The following ZDHHC21 variants were observed in gnomAD, a reference collection of about 807,000 sequenced individuals.
The protein encoded by ZDHHC21 is palmitoyltransferase ZDHHC21.
A neutral mutation model predicts 34.6 loss-of-function variants in ZDHHC21; 15 were observed. The observed-to-expected ratio is 0.43, with a 90% CI of 0.29 to 0.67. ZDHHC21 has a LOEUF of 0.67. Ranked by LOEUF, ZDHHC21 falls within the 30% of genes least tolerant of loss-of-function variation. ZDHHC21 has a pLI of 0.14. For synonymous variants in ZDHHC21, 142 were observed against 101.8 expected, an observed-to-expected ratio of 1.40 and a Z score of -2.38; for missense variants, 344 against 327.7, an observed-to-expected ratio of 1.05 and a Z score of -0.38.
chr9:14,679,263 A>G lies in ZDHHC21; in HGVS notation c.-46+770T>C, dbSNP rs529855351. 3.9e-4 allele frequency among the ~76,000 whole-genome samples: 60 copies of G among 152,326 alleles called. No individual in the cohort carries two copies. In the South Asian group the frequency reaches 7.9e-3, roughly 20 times the overall value. ...TTTGAAATGAATCCCCCATATTAATAACATAGTGGACAGAAAGACAGATGA... is the reference window on the plus strand; with the variant it reads ...TTTGAAATGAATCCCCCATATTAATGACATAGTGGACAGAAAGACAGATGA... On this transcript the variant is annotated intron_variant, in intron 3 of 9. Transcript: ENST00000380916.
chr9:14,590,881 G>C, the ZDHHC21 span, among the ~76,000 whole-genome samples: 1 of 152,040 alleles, frequency 6.6e-6, no homozygotes, highest in East Asian at 1.9e-4. Context: ...TTTTTAAAAA[G>C]ATAACTGACT....
chr9:14,690,057 T>C (rs968615287), intron 2 of ZDHHC21, among the ~76,000 whole-genome samples: 10 of 152,066 alleles, frequency 6.6e-5, no homozygotes, highest in African/African-American at 2.2e-4. Flanking sequence ...GACAGGGATT[T>C]AAAAAGGTAA....
At chr9:14,641,325 A>G (rs1829330005) in intron 7 of ZDHHC21, among the ~76,000 whole-genome samples, 1 of 152,226 alleles carries the variant, frequency 6.6e-6, no homozygotes, top group African/African-American at 2.4e-5. Context: ...TCAAAACTTC[A>G]GTAAAAAGAA....
chr9:14,619,556 A>G (rs1586878315), intron 9 of ZDHHC21, 83 bp downstream of exon 9: 1 of 1,091,170 alleles, frequency 9.2e-7, no homozygotes, highest in Non-Finnish European at 1.3e-6. Context: ...TATATTATCT[A>G]TCTACCATAT....
intron 2 of ZDHHC21, among the ~76,000 whole-genome samples, chr9:14,686,974 A>G (rs1317324635): frequency 1.2e-5 from 1 of 81,840 alleles, no homozygotes; most frequent in African/African-American, 3.9e-5. Context: ...CTTCATCTCA[A>G]AAAAACAAAA....
At chr9:14,610,057 T>C (rs577480270), downstream of ZDHHC21, among the ~76,000 whole-genome samples, 153 of 64,060 alleles carry the variant, frequency 2.4e-3, 1 homozygote, top group Middle Eastern at 0.074. Flanking sequence ...TATGTTAACA[T>C]GTAATGAGTT....
chr9:14,591,365 C>T, the ZDHHC21 span, among the ~76,000 whole-genome samples: 1 of 151,976 alleles, frequency 6.6e-6, no homozygotes, highest in Non-Finnish European at 1.5e-5. Flanking sequence ...TAAATTTGGT[C>T]CCTTTTAGCA....
chr9:14,652,472 A>G (rs1831400359), intron 7 of ZDHHC21, among the ~76,000 whole-genome samples: 1 of 152,044 alleles, frequency 6.6e-6, no homozygotes, highest in South Asian at 2.1e-4. Flanking sequence ...AAAACATATA[A>G]ATCTTTGAAC....
chr9:14,635,540 C>T (rs927224161), intron 8 of ZDHHC21, among the ~76,000 whole-genome samples: 19 of 152,096 alleles, frequency 1.2e-4, no homozygotes, highest in Non-Finnish European at 2.4e-4. Flanking sequence ...ATTCAAAGTG[C>T]GGAACGAAAA....
In ZDHHC21 at chr9:14,617,586, T is replaced by C. The variant is rs561193190; in HGVS notation, c.*1380A>G. On this transcript the variant is annotated 3_prime_UTR_variant, in exon 10 of 10. Coordinates refer to ENST00000380916, the MANE Select transcript of ZDHHC21 (RefSeq NM_178566.6). Reference sequence around the variant, plus strand: ...TCAATCTTCTCTTCAAGGGAAAGACTGTGAGTACATAAATTTTTTAAAAAG... The same window carrying C: ...TCAATCTTCTCTTCAAGGGAAAGACCGTGAGTACATAAATTTTTTAAAAAG... 1 of 152,134 alleles carries C rather than the reference T, an allele frequency of 6.6e-6. No individual in the cohort carries two copies. The highest frequency in any genetic ancestry group is 1.9e-4 in the East Asian group (1 of 5,172). 9.4% of individuals were successfully genotyped at this position (152,134 alleles called of 1,614,324 possible). A position where few individuals can be genotyped will look rare whatever the true frequency, so the allele number is the denominator to read the frequency against.
the ZDHHC21 span, among the ~76,000 whole-genome samples, chr9:14,597,084 G>A: frequency 2.0e-5 from 3 of 152,120 alleles, no homozygotes; most frequent in African/African-American, 7.2e-5. Flanking sequence ...CAGGCCCTGA[G>A]ACTAGTATAG....
At chr9:14,659,910 G>A (rs1261171125) in intron 6 of ZDHHC21, among the ~76,000 whole-genome samples, 16 of 152,148 alleles carry the variant, frequency 1.1e-4, no homozygotes, top group Admixed American at 9.2e-4. Flanking sequence ...TTCAACAGCT[G>A]CCGATTGAAA....
chr9:14,664,725 C>G (rs1201591443), intron 5 of ZDHHC21, among the ~76,000 whole-genome samples: 1 of 152,006 alleles, frequency 6.6e-6, no homozygotes, highest in Non-Finnish European at 1.5e-5. Flanking sequence ...GAGGCACCCC[C>G]CAGCAGGGGC....
At chr9:14,600,266 C>T in the ZDHHC21 span, among the ~76,000 whole-genome samples, 2 of 152,228 alleles carry the variant, frequency 1.3e-5, no homozygotes, top group Non-Finnish European at 2.9e-5. Flanking sequence ...CCCATTGACT[C>T]AGCCCAACAT....
chr9:14,662,219 G>C lies in ZDHHC21; in HGVS notation c.361C>G (p.Pro121Ala). 6.2e-7 allele frequency: 1 copy of C among 1,601,974 alleles called. No individual in the cohort carries two copies. Among genetic ancestry groups the C allele is most frequent in the Non-Finnish European group, 8.5e-7 (1 of 1,174,652 alleles). The change falls in exon 6 of 10, where the codon CCA (proline) becomes GCA (alanine). Residue 121 changes from proline (P) to alanine (A), a missense_variant. Pro to Ala is a conservative substitution (Grantham distance 27, BLOSUM62 -1). Transcript: ENST00000380916. ...HCVRRMDHHC[P>A]WINNCVGEDN... ...CTAGAAGTGAATTATTCTTACCATG[G>C]ACAGTGATGATCCATTCTCCTCACA...
At chr9:14,600,202 G>A in the ZDHHC21 span, among the ~76,000 whole-genome samples, 1 of 152,328 alleles carries the variant, frequency 6.6e-6, no homozygotes, top group Admixed American at 6.5e-5. Flanking sequence ...AATAGGAAGA[G>A]AGGAAGTCAC....
At chr9:14,659,589 G>T (rs560821109) in intron 6 of ZDHHC21, among the ~76,000 whole-genome samples, 3 of 152,106 alleles carry the variant, frequency 2.0e-5, no homozygotes, top group African/African-American at 7.2e-5. Context: ...TAAAATTCCA[G>T]CAAAAAACCC....
chr9:14,692,419 T>G (rs1422020244), intron 1 of ZDHHC21, among the ~76,000 whole-genome samples: 1 of 152,202 alleles, frequency 6.6e-6, no homozygotes, highest in Non-Finnish European at 1.5e-5. Flanking sequence ...TACAATATAA[T>G]TTATGACCCG....
At chr9:14,668,662 C>A (rs540593782) in intron 5 of ZDHHC21, among the ~76,000 whole-genome samples, 38 of 149,858 alleles carry the variant, frequency 2.5e-4, no homozygotes, top group African/African-American at 9.0e-4. Context: ...AGATATAGAC[C>A]AATGGAACAG....
Sources: gnomAD v4.1 joint callset for allele counts (sites outside exome capture counted in the v4.1 genomes callset) on GRCh38, gnomAD v4.1.1 for gene constraint, MANE v1.5 for transcripts, NCBI Gene and HGNC (gene_info 2026-07-23, HGNC 2026-07-21) for gene names.